The following EIF4G2 variants were observed in gnomAD, a reference collection of about 807,000 sequenced individuals.
The protein encoded by EIF4G2 is eukaryotic translation initiation factor 4 gamma 2.
In EIF4G2, 8 loss-of-function variants were observed where a neutral mutation model predicts 117.7. The observed-to-expected ratio is 0.07, with a 90% CI of 0.04 to 0.12. EIF4G2 has a LOEUF of 0.12. Among genes scored for constraint, EIF4G2 ranks in the 10% least tolerant of loss-of-function variants. The probability of loss-of-function intolerance (pLI) is 1.00; values close to 1 mark genes in which losing one functional copy is unlikely to be tolerated. For missense variants in EIF4G2, 812 were observed against 1,086.2 expected, an observed-to-expected ratio of 0.75 and a Z score of 3.55; for synonymous variants, 413 against 367.8, an observed-to-expected ratio of 1.12 and a Z score of -1.41.
rs1847624539 is a variant in EIF4G2, at chr11:10,807,701, A to C, written c.-86-320T>G. On this transcript the variant is annotated intron_variant, in intron 1 of 21. Coordinates refer to ENST00000339995, the MANE Select transcript of EIF4G2 (RefSeq NM_001418.4). ...ATAGAAAAGTCTAACTACAGACACG[A>C]GCAACATCACGTGGAAAATGTCTGC... 3.0e-6 allele frequency: 3 copies of C among 997,692 alleles called. No individual in the cohort carries two copies. The East Asian group carries it at 3.2e-4, about 107-fold the overall frequency. 61.8% of individuals were successfully genotyped at this position (997,692 alleles called of 1,614,324 possible).
intron 11 of EIF4G2, 43 bp downstream of exon 11, chr11:10,802,987 C>G (rs2135414177): frequency 6.4e-7 from 1 of 1,572,014 alleles, no homozygotes; most frequent in South Asian, 1.1e-5. Flanking sequence ...CTATTCTACA[C>G]ACACAGAGTC....
intron 13 of EIF4G2, 49 bp from the exon 14 acceptor site, chr11:10,801,823 A>T: frequency 6.4e-7 from 1 of 1,551,438 alleles, no homozygotes; most frequent in Non-Finnish European, 8.8e-7. Flanking sequence ...GGGTCCACAA[A>T]TTATGGTAAT....
rs1847379190 is a variant in EIF4G2, at chr11:10,800,228, G to A, written c.1981C>T (p.Leu661=). ...GTGCCACTTTCTAGTGGTTGAGCTA[G>A]TTCTGAAATGCTCACCAGCTCTGAA... Residue 661 remains leucine (L), a synonymous_variant, in exon 18 of 22, where the codon CTA becomes TTA. Transcript: ENST00000339995. 1.2e-6 allele frequency: 2 copies of A among 1,614,178 alleles called. No individual in the cohort carries two copies. The highest frequency in any genetic ancestry group is 1.7e-6 in the Non-Finnish European group (2 of 1,180,024).
At position 10,797,659 on chromosome 11, in the gene EIF4G2, A is replaced by G; in HGVS notation, c.*157T>C. On this transcript the variant is annotated 3_prime_UTR_variant, in exon 22 of 22. Transcript: ENST00000339995. The surrounding 1 kb of genome is among the most constrained non-coding windows in gnomAD (Gnocchi z 4.5). ...ACTATGATTAAGACATTACACTACAAAAAAACCTTATGCAGAAGGAAATCC... is the reference window on the plus strand; with the variant it reads ...ACTATGATTAAGACATTACACTACAGAAAAACCTTATGCAGAAGGAAATCC... The G allele has an allele frequency of 1.3e-6, 1 of 757,384 alleles. No individual in the cohort carries two copies. The highest frequency in any genetic ancestry group is 2.2e-6 in the Non-Finnish European group (1 of 455,392). The allele number at this position is 757,384 out of a possible 1,614,324, so 46.9% of individuals were successfully genotyped here.
intron 1 of EIF4G2, 129 bp from the exon 2 acceptor site, chr11:10,807,510 T>C (rs1424425502): frequency 2.3e-6 from 3 of 1,327,378 alleles, no homozygotes; most frequent in Non-Finnish European, 2.9e-6. Context: ...TAACCTAAAA[T>C]GTACTCAAAA....
At chr11:10,807,897 C>A in intron 1 of EIF4G2, 2 of 1,009,350 alleles carry the variant, frequency 2.0e-6, no homozygotes, top group Non-Finnish European at 2.4e-6. Flanking sequence ...GGCGGAAGAC[C>A]AGGGCCACAA....
At position 10,797,915 on chromosome 11, in the gene EIF4G2, A is replaced by C; in HGVS notation, c.2659-34T>G. 1 of 1,603,184 alleles carries C rather than the reference A, an allele frequency of 6.2e-7. No individual in the cohort carries two copies. The highest frequency in any genetic ancestry group is 8.5e-7 in the Non-Finnish European group (1 of 1,172,308). On this transcript the variant is annotated intron_variant, in intron 21 of 21. Transcript: ENST00000339995. This position sits in a 1 kb window ranked among gnomAD's most constrained non-coding sequence, Gnocchi z 4.5. ...TAAGATTTGTAAATTAAAATAGTTC[A>C]TGATATAAACAGAAATCCATCCAAA...
At chr11:10,807,431 A>G in intron 1 of EIF4G2, 50 bp from the exon 2 acceptor site, 1 of 1,504,748 alleles carries the variant, frequency 6.6e-7, no homozygotes, top group African/African-American at 1.4e-5. Context: ...ATACAGATCT[A>G]TAAGCCTTCA....
At chr11:10,804,236 G>A in intron 6 of EIF4G2, 33 bp from the exon 7 acceptor site, 1 of 1,613,010 alleles carries the variant, frequency 6.2e-7, no homozygotes, top group Non-Finnish European at 8.5e-7. Context: ...GCTTTATTAA[G>A]GAAATTTTTC....
At chr11:10,808,531 A>G in intron 1 of EIF4G2, 174 bp downstream of exon 1, 1 of 1,184,620 alleles carries the variant, frequency 8.4e-7, no homozygotes. Context: ...CAACAGGAAG[A>G]GAGAACAAAA....
intron 19 of EIF4G2, 61 bp from the exon 20 acceptor site, chr11:10,799,485 C>G (rs1000525421): frequency 6.2e-7 from 1 of 1,609,388 alleles, no homozygotes; most frequent in Non-Finnish European, 8.5e-7. Context: ...AGAGACAACT[C>G]TTAGTCTCCT....
chr11:10,806,279 G>C (rs1847566238), intron 3 of EIF4G2: 1 of 570,986 alleles, frequency 1.8e-6, no homozygotes. Flanking sequence ...TTTGGGGTGG[G>C]GCCTAAGAAT....
At position 10,803,533 on chromosome 11, in the gene EIF4G2, G is replaced by A; in HGVS notation, c.760C>T (p.Leu254Phe). 6.2e-7 allele frequency: 1 copy of A among 1,614,058 alleles called. No homozygotes were observed. Reference sequence around the variant, plus strand: ...CCCACTGTCCTCATTATCTGACAGAGGCACTCCAAATCCTCTCCCATATCT... The same window carrying A: ...CCCACTGTCCTCATTATCTGACAGAAGCACTCCAAATCCTCTCCCATATCT... The change falls in exon 9 of 22, where the codon CTC becomes TTC. Residue 254 changes from leucine (L) to phenylalanine (F), a missense_variant. Coordinates refer to ENST00000339995, the MANE Select transcript of EIF4G2 (RefSeq NM_001418.4). The surrounding 1 kb of genome is among the most constrained non-coding windows in gnomAD (Gnocchi z 4.0).
chr11:10,801,091 G>C lies in EIF4G2; in HGVS notation c.1414-4C>G, dbSNP rs761526926. 5 of 1,613,142 alleles carry C rather than the reference G, an allele frequency of 3.1e-6. No homozygotes were observed. In the South Asian group the frequency reaches 5.5e-5, roughly 18 times the overall value. ...ACTGAGCAGGCCTCAGGCTAATCTG[G>C]AATTGAAAACAAAATATATCTAAAT... On this transcript the variant is annotated splice_region_variant and splice_polypyrimidine_tract_variant and intron_variant, in intron 14 of 21. Coordinates refer to ENST00000339995, the MANE Select transcript of EIF4G2 (RefSeq NM_001418.4).
intron 14 of EIF4G2, 105 bp from the exon 15 acceptor site, chr11:10,801,192 T>C (rs934087360): frequency 4.0e-5 from 60 of 1,486,776 alleles, no homozygotes; most frequent in Non-Finnish European, 5.1e-5. Context: ...TAGGGAAACA[T>C]TAAGCTTTTT....
intron 3 of EIF4G2, 190 bp from the exon 4 acceptor site, chr11:10,806,237 T>A: frequency 1.4e-6 from 1 of 735,330 alleles, no homozygotes; most frequent in Non-Finnish European, 2.2e-6. Context: ...TAATACAGAT[T>A]GCTGGGCCCA....
chr11:10,806,730 T>G, intron 3 of EIF4G2, 90 bp downstream of exon 3: 1 of 1,409,036 alleles, frequency 7.1e-7, no homozygotes, highest in Non-Finnish European at 1.0e-6. Context: ...TTAGGAGTCT[T>G]GATGGCTATT....
In EIF4G2 at chr11:10,803,596, A is replaced by T; in HGVS notation, c.703-6T>A. 1 of 1,610,414 alleles carries T rather than the reference A, an allele frequency of 6.2e-7. No individual in the cohort carries two copies. The highest frequency in any genetic ancestry group is 8.5e-7 in the Non-Finnish European group (1 of 1,177,462). On this transcript the variant is annotated splice_region_variant and splice_polypyrimidine_tract_variant and intron_variant, in intron 8 of 21. Transcript: ENST00000339995. This position sits in a 1 kb window ranked among gnomAD's most constrained non-coding sequence, Gnocchi z 4.0. ...CTCTTCTTCTTTTCCAAAAGCTACAAGAATAAAAGGCCATGGTGACAAAGT... is the reference window on the plus strand; with the variant it reads ...CTCTTCTTCTTTTCCAAAAGCTACATGAATAAAAGGCCATGGTGACAAAGT...
chr11:10,798,435 CAGACT>C (rs1847323237), intron 21 of EIF4G2, among the ~76,000 whole-genome samples: 1 of 152,134 alleles, frequency 6.6e-6, no homozygotes, highest in Non-Finnish European at 1.5e-5. Flanking sequence ...CTCTGTTGCC[CAGACT>C]AGAGTGCAGT....
Sources: gnomAD v4.1 joint callset for allele counts (sites outside exome capture counted in the v4.1 genomes callset) on GRCh38, gnomAD v4.1.1 for gene constraint, Gnocchi (gnomAD v3.1) non-coding constraint, MANE v1.5 for transcripts, NCBI Gene and HGNC (gene_info 2026-07-23, HGNC 2026-07-21) for gene names.